The following AKIRIN2 variants were observed in gnomAD, a reference collection of about 807,000 sequenced individuals.
AKIRIN2 encodes akirin-2.
In AKIRIN2, 6 loss-of-function variants were observed where a neutral mutation model predicts 29.3. The ratio of observed to expected loss-of-function variants is 0.20; its 90% CI spans 0.11 to 0.40. AKIRIN2 has a LOEUF of 0.40. Among genes scored for constraint, AKIRIN2 ranks in the 10% least tolerant of loss-of-function variants. The pLI, the probability that AKIRIN2 is intolerant of heterozygous loss-of-function variation, is 1.00. For missense variants in AKIRIN2, 210 were observed against 276.1 expected (o/e 0.76, Z 1.70); for synonymous variants, 128 against 117.5 (o/e 1.09, Z -0.58).
At chr6:87,685,868 G>A (rs1333021610) in intron 1 of AKIRIN2, among the ~76,000 whole-genome samples, 1 of 152,094 alleles carries the variant, frequency 6.6e-6, no homozygotes, top group Non-Finnish European at 1.5e-5. Flanking sequence ...ATTCTCCTTA[G>A]CAGGTAGGCA....
chr6:87,691,763 T>G (rs1218018774), intron 1 of AKIRIN2, among the ~76,000 whole-genome samples: 1 of 152,070 alleles, frequency 6.6e-6, no homozygotes, highest in Non-Finnish European at 1.5e-5. Flanking sequence ...AAAGGTCAAA[T>G]AAGAGGAGGA....
At chr6:87,688,347 G>T (rs1412985389) in intron 1 of AKIRIN2, among the ~76,000 whole-genome samples, 1 of 151,924 alleles carries the variant, frequency 6.6e-6, no homozygotes, top group Non-Finnish European at 1.5e-5. Context: ...GGCCAGGCTC[G>T]TCTCAAATTC....
At chr6:87,698,850 A>C (rs1306226853) in intron 1 of AKIRIN2, among the ~76,000 whole-genome samples, 2 of 152,224 alleles carry the variant, frequency 1.3e-5, no homozygotes, top group African/African-American at 4.8e-5. Context: ...GGTTTAAAAC[A>C]GACATCCAAG....
At chr6:87,686,792 T>G (rs1757330301) in intron 1 of AKIRIN2, among the ~76,000 whole-genome samples, 1 of 152,100 alleles carries the variant, frequency 6.6e-6, no homozygotes, top group African/African-American at 2.4e-5. Context: ...ATGCCTGTAA[T>G]CCCAGCACTT....
intron 1 of AKIRIN2, among the ~76,000 whole-genome samples, chr6:87,695,643 T>C (rs535952338): frequency 5.0e-4 from 76 of 152,346 alleles, no homozygotes; most frequent in African/African-American, 1.7e-3. Flanking sequence ...AATTCAGTGA[T>C]AGGTACTTGA....
At chr6:87,678,333 A>C (rs1368348004) in intron 2 of AKIRIN2, among the ~76,000 whole-genome samples, 4 of 109,412 alleles carry the variant, frequency 3.7e-5, no homozygotes, top group African/African-American at 1.9e-4. Context: ...CCCTGCCTCT[A>C]CTAAAAATAC....
intron 1 of AKIRIN2, among the ~76,000 whole-genome samples, chr6:87,694,131 C>A (rs1471493989): frequency 6.6e-6 from 1 of 152,148 alleles, no homozygotes; most frequent in Non-Finnish European, 1.5e-5. Context: ...ACCATTCCAA[C>A]TAGTTTGATT....
intron 3 of AKIRIN2, among the ~76,000 whole-genome samples, chr6:87,676,421 G>C (rs1193202992): frequency 3.1e-4 from 36 of 115,214 alleles, no homozygotes; most frequent in African/African-American, 1.3e-3. Flanking sequence ...AGCCAAGAAC[G>C]CGCCACTGCA....
chr6:87,682,526 T>G (rs1771136188), intron 1 of AKIRIN2, among the ~76,000 whole-genome samples: 2 of 152,098 alleles, frequency 1.3e-5, no homozygotes, highest in African/African-American at 4.8e-5. Context: ...TCAGAAAGAT[T>G]TCTAACTCAA....
chr6:87,690,255 A>C (rs978329666), intron 1 of AKIRIN2, among the ~76,000 whole-genome samples: 1 of 152,058 alleles, frequency 6.6e-6, no homozygotes, highest in Non-Finnish European at 1.5e-5. Flanking sequence ...TTAATTGAAC[A>C]TTTTTTAAAA....
intron 1 of AKIRIN2, among the ~76,000 whole-genome samples, chr6:87,693,850 TCA>T (rs1186315505): frequency 3.9e-5 from 6 of 152,150 alleles, no homozygotes; most frequent in Non-Finnish European, 8.8e-5. Flanking sequence ...TGAAAGATTG[TCA>T]CAGTGAACAT....
At chr6:87,678,249 G>A (rs1472285079) in intron 2 of AKIRIN2, among the ~76,000 whole-genome samples, 3 of 152,164 alleles carry the variant, frequency 2.0e-5, no homozygotes, top group African/African-American at 4.8e-5. Flanking sequence ...GGTGCTCACC[G>A]CCTGTAATCA....
In AKIRIN2 at chr6:87,697,000, C is replaced by T. The variant is rs560049614; in HGVS notation, c.235+4450G>A. Among the ~76,000 whole-genome samples the T allele has an allele frequency of 8.2e-4, 123 of 150,650 alleles. 1 individual carries two copies. Among genetic ancestry groups the T allele is most frequent in the South Asian group, 1.1e-3 (5 of 4,748 alleles). ...TAGCCTAGGCGACAGAGTGAGACTCCGTCTCAAAACAAACGAACAAAAAAA... is the reference window on the plus strand; with the variant it reads ...TAGCCTAGGCGACAGAGTGAGACTCTGTCTCAAAACAAACGAACAAAAAAA... On this transcript the variant is annotated intron_variant, in intron 1 of 4. Coordinates refer to ENST00000257787, the MANE Select transcript of AKIRIN2 (RefSeq NM_018064.4).
At chr6:87,680,767 C>A (rs1369912356) in intron 2 of AKIRIN2, among the ~76,000 whole-genome samples, 6 of 24,008 alleles carry the variant, frequency 2.5e-4, no homozygotes, top group African/African-American at 1.2e-3. Flanking sequence ...TTCCCCGCCC[C>A]CCCCCTTTTT....
At chr6:87,680,865 A>T (rs1771109614) in intron 2 of AKIRIN2, among the ~76,000 whole-genome samples, 1 of 150,728 alleles carries the variant, frequency 6.6e-6, no homozygotes. Flanking sequence ...AAAAATAATA[A>T]TAATCCACCT....
intron 1 of AKIRIN2, among the ~76,000 whole-genome samples, chr6:87,689,178 T>A (rs575809602): frequency 1.3e-5 from 2 of 152,248 alleles, no homozygotes; most frequent in South Asian, 2.1e-4. Flanking sequence ...CAATCTCCTA[T>A]AACAACTTGT....
At chr6:87,676,712 A>G (rs1771006418) in intron 3 of AKIRIN2, among the ~76,000 whole-genome samples, 1 of 150,874 alleles carries the variant, frequency 6.6e-6, no homozygotes, top group African/African-American at 2.4e-5. Context: ...CCCGGGAGGC[A>G]GAGGTTGCAG....
At chr6:87,682,933 A>T (rs1389436406) in intron 1 of AKIRIN2, among the ~76,000 whole-genome samples, 1 of 152,226 alleles carries the variant, frequency 6.6e-6, no homozygotes, top group Non-Finnish European at 1.5e-5. Context: ...TTTATGACAC[A>T]CAAAAAAGAA....
Position 87,701,717 on chromosome 6 carries a change from G to A in AKIRIN2, c.-33C>T. ...GGCAGCTGAGGCGCCGGGCTCGGGT[G>A]GGGTCGGGGACGGGTGACGAAAGAA... On this transcript the variant is annotated 5_prime_UTR_variant, in exon 1 of 5. Coordinates refer to ENST00000257787, the MANE Select transcript of AKIRIN2 (RefSeq NM_018064.4). The A allele has an allele frequency of 7.1e-7, 1 of 1,401,916 alleles. No individual in the cohort carries two copies. Among genetic ancestry groups the A allele is most frequent in the Non-Finnish European group, 9.3e-7 (1 of 1,070,298 alleles). 86.8% of individuals were successfully genotyped at this position (1,401,916 alleles called of 1,614,324 possible). A position where few individuals can be genotyped will look rare whatever the true frequency, so the allele number is the denominator to read the frequency against.
Sources: allele counts gnomAD v4.1 joint callset (sites outside exome capture counted in the v4.1 genomes callset), GRCh38; gene constraint gnomAD v4.1.1; transcripts MANE v1.5; gene names NCBI Gene and HGNC (gene_info 2026-07-23, HGNC 2026-07-21).